The following CPNE4 variants were observed in gnomAD, a reference collection of about 807,000 sequenced individuals.
CPNE4 encodes copine 4, also known as copine-4.
Under a neutral mutation model 67.9 loss-of-function variants are expected in CPNE4, and 25 were observed. The observed-to-expected ratio is 0.37, with a 90% CI of 0.27 to 0.51. The LOEUF (loss-of-function observed/expected upper bound fraction) is 0.51, where lower values mean the gene tolerates loss of function less well. CPNE4 is among the 20% of genes least tolerant of loss of function. CPNE4 has a pLI of 0.93. For synonymous variants in CPNE4, 242 were observed against 244.9 expected, an observed-to-expected ratio of 0.99 and a Z score of 0.11; for missense variants, 464 against 690.8, an observed-to-expected ratio of 0.67 and a Z score of 3.68.
chr3:131,768,692 T>G (rs576156836), intron 2 of CPNE4, among the ~76,000 whole-genome samples: 134 of 152,276 alleles, frequency 8.8e-4, no homozygotes, highest in African/African-American at 3.1e-3. Context: ...TTCCTTCTGC[T>G]GTCATGGATG....
chr3:131,637,789 G>C (rs12632051), intron 7 of CPNE4, among the ~76,000 whole-genome samples: 1 of 151,990 alleles, frequency 6.6e-6, no homozygotes, highest in African/African-American at 2.4e-5. Context: ...TGAGGCAAAA[G>C]CATCAGGTAA....
chr3:131,993,491 C>CAAAAAAAAAAAAAAAAAAAAAA (rs2073219770), intron 1 of CPNE4, among the ~76,000 whole-genome samples: 2 of 26,104 alleles, frequency 7.7e-5, no homozygotes, highest in South Asian at 1.1e-3. Context: ...AAAAAAAAAG[C>CAAAAAAAAAAAAAAAAAAAAAA]ATAGCTTTAG....
At chr3:131,694,808 C>G (rs1000193740) in intron 5 of CPNE4, among the ~76,000 whole-genome samples, 1 of 152,166 alleles carries the variant, frequency 6.6e-6, no homozygotes, top group Non-Finnish European at 1.5e-5. Flanking sequence ...CATCCACAAG[C>G]TGAGTACCAC....
intron 3 of CPNE4, among the ~76,000 whole-genome samples, chr3:131,721,286 A>C (rs964339925): frequency 2.0e-5 from 3 of 151,182 alleles, no homozygotes; most frequent in Non-Finnish European, 4.4e-5. Context: ...CTTGTGAGGG[A>C]CTAAAGATTT....
intron 1 of CPNE4, among the ~76,000 whole-genome samples, chr3:131,957,187 C>T (rs2072003590): frequency 6.6e-6 from 1 of 152,182 alleles, no homozygotes; most frequent in Non-Finnish European, 1.5e-5. Context: ...TGGAGACCCA[C>T]TCTTGTCAGA....
intron 1 of CPNE4, among the ~76,000 whole-genome samples, chr3:131,994,328 C>T (rs6439330): frequency 0.91 from 122,490 of 134,274 alleles, 58,566 homozygotes; most frequent in African/African-American, 0.98. Context: ...TATAAACTTA[C>T]GTAAGAGAAA....
chr3:131,542,374 G>A (rs1008796653), intron 15 of CPNE4, among the ~76,000 whole-genome samples, 183 bp downstream of exon 15: 4 of 151,988 alleles, frequency 2.6e-5, no homozygotes, highest in Non-Finnish European at 5.9e-5. Flanking sequence ...TGTTGTGGGA[G>A]ATGACGTGGC....
intron 2 of CPNE4, among the ~76,000 whole-genome samples, chr3:131,845,410 G>T (rs997764665): frequency 6.6e-6 from 1 of 152,312 alleles, no homozygotes; most frequent in East Asian, 1.9e-4. Context: ...AAACCCAGTT[G>T]TCTCTGATAC....
chr3:132,030,391 G>A (rs1281622784), intron 1 of CPNE4, among the ~76,000 whole-genome samples: 1 of 152,116 alleles, frequency 6.6e-6, no homozygotes, highest in East Asian at 1.9e-4. Context: ...TAACGGAGAT[G>A]GCTGCAGACA....
intron 7 of CPNE4, among the ~76,000 whole-genome samples, chr3:131,620,130 G>C (rs1940384179): frequency 1.3e-5 from 2 of 152,210 alleles, no homozygotes; most frequent in Non-Finnish European, 2.9e-5. Context: ...GCATGCTAGT[G>C]TGCTGCTCTG....
At chr3:131,991,267 A>G (rs2073169212) in intron 1 of CPNE4, among the ~76,000 whole-genome samples, 1 of 136,268 alleles carries the variant, frequency 7.3e-6, no homozygotes, top group South Asian at 2.6e-4. Context: ...GAAAGTTTGG[A>G]ACTTCCTAGA....
At position 131,959,650 on chromosome 3, in the gene CPNE4, T is replaced by A. The variant is rs1051498165; in HGVS notation, c.-1-54206A>T. On this transcript the variant is annotated intron_variant, in intron 1 of 15. Coordinates refer to ENST00000429747, the MANE Select transcript of CPNE4 (RefSeq NM_130808.3). Reference sequence around the variant, plus strand: ...AAATATATATTTATCTTCCACTCAGTCTAGCTTACTTGTGTAATTGCCCGT... The same window carrying A: ...AAATATATATTTATCTTCCACTCAGACTAGCTTACTTGTGTAATTGCCCGT... Among the ~76,000 whole-genome samples the A allele has an allele frequency of 3.9e-5, 6 of 152,194 alleles. No individual in the cohort carries two copies. The East Asian group carries it at 9.6e-4, about 24-fold the overall frequency.
chr3:131,980,938 C>G (rs1490895223), intron 1 of CPNE4, among the ~76,000 whole-genome samples: 1 of 152,140 alleles, frequency 6.6e-6, no homozygotes, highest in Non-Finnish European at 1.5e-5. Context: ...TCCTGTGAGC[C>G]AAACTGCAGT....
chr3:131,915,994 A>G (rs2089167286), intron 1 of CPNE4, among the ~76,000 whole-genome samples: 1 of 152,232 alleles, frequency 6.6e-6, no homozygotes, highest in Non-Finnish European at 1.5e-5. Context: ...ATAATTTTAA[A>G]TGCTGACAGA....
chr3:131,668,050 C>T (rs1007999756), intron 7 of CPNE4, among the ~76,000 whole-genome samples: 3 of 152,106 alleles, frequency 2.0e-5, no homozygotes, highest in African/African-American at 7.2e-5. Context: ...CTGATTTTGG[C>T]TTGAAGGTTT....
intron 7 of CPNE4, among the ~76,000 whole-genome samples, chr3:131,636,553 T>C (rs907911540): frequency 1.3e-5 from 2 of 152,150 alleles, no homozygotes; most frequent in Non-Finnish European, 2.9e-5. Context: ...GGTCTTTCTC[T>C]ACCTTCTGTG....
At position 131,859,423 on chromosome 3, in the gene CPNE4, A is replaced by G. The variant is rs2086585096; in HGVS notation, c.180+45841T>C. Among the ~76,000 whole-genome samples the G allele has an allele frequency of 2.6e-5, 4 of 152,156 alleles. No individual in the cohort carries two copies. In the South Asian group the frequency reaches 8.3e-4, roughly 31 times the overall value. ...ACCTACAGTTGACTTCCTTTTGGCT[A>G]CTTTTGCAACCCAATCTAGCCTTTT... On this transcript the variant is annotated intron_variant, in intron 2 of 15. Transcript: ENST00000429747.
At chr3:131,793,658 A>G (rs1444059638) in intron 2 of CPNE4, among the ~76,000 whole-genome samples, 1 of 152,176 alleles carries the variant, frequency 6.6e-6, no homozygotes, top group Non-Finnish European at 1.5e-5. Context: ...GTACCTGCCT[A>G]TGGACTTTTT....
At chr3:131,811,666 G>T (rs1212499761) in intron 2 of CPNE4, among the ~76,000 whole-genome samples, 1 of 152,120 alleles carries the variant, frequency 6.6e-6, no homozygotes, top group African/African-American at 2.4e-5. Flanking sequence ...TTAGTCCTCT[G>T]AGTGTCCCAG....
Sources: gnomAD v4.1 joint callset for allele counts (sites outside exome capture counted in the v4.1 genomes callset) on GRCh38, gnomAD v4.1.1 for gene constraint, MANE v1.5 for transcripts, NCBI Gene and HGNC (gene_info 2026-07-23, HGNC 2026-07-21) for gene names.